Variants in CAMSAP1 observed in about 807,000 individuals in gnomAD.
The protein encoded by CAMSAP1 is calmodulin regulated spectrin associated protein 1, also known as calmodulin-regulated spectrin-associated protein 1.
A neutral mutation model predicts 143.5 loss-of-function variants in CAMSAP1; 58 were observed. The ratio of observed to expected loss-of-function variants is 0.40; its 90% CI spans 0.33 to 0.50. The LOEUF is 0.50. Among genes scored for constraint, CAMSAP1 ranks in the 20% least tolerant of loss-of-function variants. The pLI, the probability that CAMSAP1 is intolerant of heterozygous loss-of-function variation, is 0.45. For synonymous variants in CAMSAP1, 945 were observed against 859.3 expected (o/e 1.10, Z -1.74); for missense variants, 1,969 against 2,115.7 (o/e 0.93, Z 1.36).
rs1834985065 is a variant in CAMSAP1 at position 135,809,982 on chromosome 9, G to A, written c.*1327C>T. 1.3e-5 allele frequency: 2 copies of A among 152,492 alleles called. No homozygotes were observed. Among genetic ancestry groups the A allele is most frequent in the Admixed American group, 1.3e-4 (2 of 15,276 alleles). 9.4% of individuals were successfully genotyped at this position (152,492 alleles called of 1,614,324 possible). A position where few individuals can be genotyped will look rare whatever the true frequency, so the allele number is the denominator to read the frequency against. ...TTTTTCTCCCAATTATTGATCTTTT[G>A]ATTTTTTCTGCAGTTTGAGATAGAT... On this transcript the variant is annotated 3_prime_UTR_variant, in exon 17 of 17. Transcript: ENST00000389532.
rs1386563216 is a variant in CAMSAP1 at position 135,822,903 on chromosome 9, C to T, written c.1758G>A (p.Lys586=). ...PQGQLDTSES[K]PDSFFLEPLM... The stretch of plus-strand genomic sequence containing the variant: ...AAGGCTCCAAGAAAAAACTGTCAGG[C>T]TTACTTTCCGAGGTGTCCAGCTGTC... The change falls in exon 11 of 17, where the codon AAG becomes AAA. Residue 586 remains lysine (K), a synonymous_variant. Transcript: ENST00000389532. The surrounding 1 kb of genome is among the most constrained non-coding windows in gnomAD (Gnocchi z 6.1). 6.2e-7 allele frequency: 1 copy of T among 1,613,960 alleles called. No individual in the cohort carries two copies. The highest frequency in any genetic ancestry group is 8.5e-7 in the Non-Finnish European group (1 of 1,179,888).
intron 3 of CAMSAP1, among the ~76,000 whole-genome samples, chr9:135,868,780 C>T (rs1260662682): frequency 6.6e-6 from 1 of 151,968 alleles, no homozygotes; most frequent in Non-Finnish European, 1.5e-5. Context: ...CCACGCCTGG[C>T]TAATTTTTTG....
intron 3 of CAMSAP1, among the ~76,000 whole-genome samples, chr9:135,874,573 A>G (rs1291969446): frequency 6.6e-6 from 1 of 152,160 alleles, no homozygotes; most frequent in African/African-American, 2.4e-5. Context: ...TGGTTAATAC[A>G]GTAAATGTTT....
rs1194671887 is a variant in CAMSAP1, at chr9:135,907,426, G to A, written c.-267C>T. 1.4e-5 allele frequency among the ~76,000 whole-genome samples: 2 copies of A among 146,074 alleles called. No individual in the cohort carries two copies. Among genetic ancestry groups the A allele is most frequent in the African/African-American group, 4.9e-5 (2 of 40,784 alleles). ...GGCGGCAGGAGGGCGCGGGCCGGGG[G>A]CGGGGGCGGGCGCGGGGGCGGGAGC... On this transcript the variant is annotated 5_prime_UTR_variant, in exon 1 of 17. Coordinates refer to ENST00000389532, the MANE Select transcript of CAMSAP1 (RefSeq NM_015447.4).
chr9:135,886,517 G>A (rs751747782), intron 1 of CAMSAP1, among the ~76,000 whole-genome samples: 8 of 152,212 alleles, frequency 5.3e-5, no homozygotes, highest in African/African-American at 1.4e-4. Context: ...TCAGAATTGC[G>A]CGGAAGAGGC....
chr9:135,817,833 A>G, intron 14 of CAMSAP1, 144 bp downstream of exon 14: 1 of 698,630 alleles, frequency 1.4e-6, no homozygotes, highest in East Asian at 2.7e-5. Context: ...TCCTGATGAC[A>G]TGATTGCAAC....
chr9:135,843,539 C>A (rs1322516092), intron 7 of CAMSAP1, among the ~76,000 whole-genome samples: 1 of 151,850 alleles, frequency 6.6e-6, no homozygotes, highest in Non-Finnish European at 1.5e-5. Flanking sequence ...TCAAAAAAGA[C>A]AAAGAAGGGC....
Position 135,808,682 on chromosome 9 carries a change from A to G in CAMSAP1, c.*2627T>C, listed in dbSNP as rs564142352. The G allele has an allele frequency of 1.3e-5, 2 of 152,392 alleles. No homozygotes were observed. Among genetic ancestry groups the G allele is most frequent in the South Asian group, 4.1e-4 (2 of 4,832 alleles). 9.4% of individuals were successfully genotyped at this position (152,392 alleles called of 1,614,324 possible). ...CCGCAGTGACACGTGCAGAAAGTCA[A>G]AAGGACACATGGAAAGCAGTCCATC... On this transcript the variant is annotated 3_prime_UTR_variant, in exon 17 of 17. Coordinates refer to ENST00000389532, the MANE Select transcript of CAMSAP1 (RefSeq NM_015447.4).
Position 135,822,915 on chromosome 9 carries a change from G to A in CAMSAP1, c.1746C>T (p.Thr582=). ...AAAAACTGTCAGGCTTACTTTCCGAGGTGTCCAGCTGTCCTTGGGGAGACC... is the reference window on the plus strand; with the variant it reads ...AAAAACTGTCAGGCTTACTTTCCGAAGTGTCCAGCTGTCCTTGGGGAGACC... The part of the protein sequence containing the change: ...NARSPQGQLD[T]SESKPDSFFL... Residue 582 remains threonine (T), a synonymous_variant, in exon 11 of 17, where the codon ACC becomes ACT. Transcript: ENST00000389532. This position sits in a 1 kb window ranked among gnomAD's most constrained non-coding sequence, Gnocchi z 6.1. 3 of 1,613,950 alleles carry A rather than the reference G, an allele frequency of 1.9e-6. No individual in the cohort carries two copies. The highest frequency in any genetic ancestry group is 2.5e-6 in the Non-Finnish European group (3 of 1,179,884).
chr9:135,853,797 G>A (rs1836859679), intron 5 of CAMSAP1, among the ~76,000 whole-genome samples: 1 of 152,244 alleles, frequency 6.6e-6, no homozygotes, highest in South Asian at 2.1e-4. Context: ...CAAAGGCACC[G>A]CTTCTCCTGG....
At position 135,811,316 on chromosome 9, in the gene CAMSAP1, C is replaced by A. The variant is rs765945601; in HGVS notation, c.4802G>T (p.Arg1601Leu). The stretch of plus-strand genomic sequence containing the variant: ...ACGCCAGCTGCACCGGGGTCATTTA[C>A]GAGTCTGGGCCTTCTTTGGCACTGC... ...RPAVPKKAQT[R>L]K Residue 1601 changes from arginine to leucine, a missense_variant, in exon 17 of 17, where the codon CGT (arginine) becomes CTT (leucine). Arg to Leu is a moderately radical substitution (Grantham distance 102). This residue lies in a region of CAMSAP1 where 143 missense variants were observed against 200.6 expected (regional missense o/e 0.71). Transcript: ENST00000389532. This position sits in a 1 kb window ranked among gnomAD's most constrained non-coding sequence, Gnocchi z 4.9. The A allele has an allele frequency of 1.9e-6, 3 of 1,611,560 alleles. No individual in the cohort carries two copies. Among genetic ancestry groups the A allele is most frequent in the Non-Finnish European group, 2.5e-6 (3 of 1,178,562 alleles).
intron 7 of CAMSAP1, among the ~76,000 whole-genome samples, chr9:135,835,986 A>G (rs1836018530): frequency 6.6e-6 from 1 of 152,338 alleles, no homozygotes; most frequent in Admixed American, 6.5e-5. Context: ...TCTCAAAACA[A>G]AAAACAAAAA....
intron 5 of CAMSAP1, among the ~76,000 whole-genome samples, chr9:135,856,505 C>T (rs542914743): frequency 1.8e-4 from 27 of 152,316 alleles, no homozygotes; most frequent in Admixed American, 1.4e-3. Context: ...ACTGCCCATT[C>T]CACTCCTTCT....
chr9:135,818,262 A>AG lies in CAMSAP1; in HGVS notation c.4168+145_4168+146insC. ...GCACATCTCAGAGCATCTGGTCTCA[A>AG]CATTGTCATCCATGAAACGGGGATA... On this transcript the variant is annotated intron_variant, in intron 13 of 16. Coordinates refer to ENST00000389532, the MANE Select transcript of CAMSAP1 (RefSeq NM_015447.4). This position sits in a 1 kb window ranked among gnomAD's most constrained non-coding sequence, Gnocchi z 7.7. 2 of 1,118,282 alleles carry AG rather than the reference A, an allele frequency of 1.8e-6. No homozygotes were observed. Among genetic ancestry groups the AG allele is most frequent in the Non-Finnish European group, 2.5e-6 (2 of 793,378 alleles). The allele number at this position is 1,118,282 out of a possible 1,614,324, so 69.3% of individuals were successfully genotyped here.
intron 1 of CAMSAP1, among the ~76,000 whole-genome samples, chr9:135,884,298 T>C (rs2130990307): frequency 6.6e-6 from 1 of 151,948 alleles, no homozygotes. Flanking sequence ...CGAGCCAAGC[T>C]CTCCTAAGCT....
intron 7 of CAMSAP1, among the ~76,000 whole-genome samples, chr9:135,828,082 G>A (rs1050121616): frequency 2.0e-5 from 3 of 152,254 alleles, no homozygotes; most frequent in Admixed American, 6.5e-5. Flanking sequence ...CTGCTCTGGT[G>A]GGTCCCTTCA....
chr9:135,866,251 C>T (rs1298192847), intron 4 of CAMSAP1: 4 of 535,182 alleles, frequency 7.5e-6, no homozygotes, highest in Non-Finnish European at 1.0e-5. Flanking sequence ...CAAAACACCC[C>T]TTCCCAGGAG....
rs147411765 is a variant in CAMSAP1, at chr9:135,820,890, C to T, written c.3771G>A (p.Ala1257=). Residue 1257 remains alanine (A), a synonymous_variant, in exon 11 of 17, where the codon GCG becomes GCA. Coordinates refer to ENST00000389532, the MANE Select transcript of CAMSAP1 (RefSeq NM_015447.4). The surrounding 1 kb of genome is among the most constrained non-coding windows in gnomAD (Gnocchi z 4.4). ...TCTGGTCGCCTTCGCTGACAAGGTC[C>T]GCCGAGCCATCGAGGCTTACCAGCT... ...DGELVSLDGS[A]DLVSEGDQKP... is the part of the protein sequence containing the mutation. The T allele has an allele frequency of 4.1e-5, 66 of 1,613,706 alleles. No individual in the cohort carries two copies. In the African/African-American group the frequency reaches 6.3e-4, roughly 15 times the overall value.
At chr9:135,897,162 A>T (rs905809240) in intron 1 of CAMSAP1, among the ~76,000 whole-genome samples, 2 of 152,138 alleles carry the variant, frequency 1.3e-5, no homozygotes, top group Admixed American at 1.3e-4. Context: ...CCTACACACG[A>T]AAGTTTTTTT....
Sources: allele counts gnomAD v4.1 joint callset (sites outside exome capture counted in the v4.1 genomes callset), GRCh38; gene constraint gnomAD v4.1.1; regional missense constraint gnomAD v4.1.1; non-coding constraint Gnocchi (gnomAD v3.1); transcripts MANE v1.5; gene names NCBI Gene and HGNC (gene_info 2026-07-23, HGNC 2026-07-21).